CAST: variants seen among roughly 807,000 people sequenced by gnomAD.
CAST encodes MIR583 host.
In CAST, 76 loss-of-function variants were observed where a neutral mutation model predicts 119.6. The ratio of observed to expected loss-of-function variants is 0.64; its 90% CI spans 0.53 to 0.77. The LOEUF (loss-of-function observed/expected upper bound fraction) is 0.77. Ranked by LOEUF, CAST falls within the 30% of genes least tolerant of loss-of-function variation. The probability of loss-of-function intolerance (pLI) is 0.00; values close to 1 mark genes in which losing one functional copy is unlikely to be tolerated. For synonymous variants in CAST, 319 were observed against 331.6 expected (o/e 0.96, Z 0.41); for missense variants, 953 against 946.5 (o/e 1.01, Z -0.09).
At chr5:95,989,588 A>G in the CAST span, among the ~76,000 whole-genome samples, 5 of 152,368 alleles carry the variant, frequency 3.3e-5, no homozygotes, top group South Asian at 8.3e-4. Flanking sequence ...TAAGTCAAAC[A>G]GACCAGATCA....
the CAST span, among the ~76,000 whole-genome samples, chr5:96,476,169 A>G: frequency 6.6e-6 from 1 of 152,194 alleles, no homozygotes; most frequent in South Asian, 2.1e-4. Context: ...CCTCTTAAGT[A>G]AAATCAGTTC....
At chr5:96,198,972 G>A in the CAST span, among the ~76,000 whole-genome samples, 1 of 152,078 alleles carries the variant, frequency 6.6e-6, no homozygotes. Flanking sequence ...TGTCTTACTG[G>A]TCTTATGACT....
the CAST span, among the ~76,000 whole-genome samples, chr5:96,502,609 A>T: frequency 7.3e-6 from 1 of 137,188 alleles, no homozygotes; most frequent in East Asian, 2.3e-4. Context: ...TTAGCAAGTT[A>T]CCTAGTCTTT....
the CAST span, among the ~76,000 whole-genome samples, chr5:96,057,809 C>T: frequency 6.6e-6 from 1 of 152,120 alleles, no homozygotes; most frequent in Non-Finnish European, 1.5e-5. Flanking sequence ...ATCAGGTCTC[C>T]TCTAGTCTGT....
the CAST span, chr5:96,432,823 C>A: frequency 6.3e-7 from 1 of 1,592,462 alleles, no homozygotes; most frequent in African/African-American, 1.3e-5. Flanking sequence ...CGCCAGTCCC[C>A]TGGGGCCCCA....
the CAST span, among the ~76,000 whole-genome samples, chr5:96,240,735 C>CTTT: frequency 4.7e-4 from 48 of 102,404 alleles, no homozygotes; most frequent in East Asian, 1.4e-3. Context: ...AGCTAACTTT[C>CTTT]TTTTTTTTTT....
the CAST span, among the ~76,000 whole-genome samples, chr5:96,346,192 T>TA: frequency 6.6e-6 from 1 of 152,130 alleles, no homozygotes; most frequent in Non-Finnish European, 1.5e-5. Context: ...GATAAAGGAA[T>TA]AAAAAATTTT....
chr5:96,268,046 G>C, the CAST span, among the ~76,000 whole-genome samples: 1 of 151,964 alleles, frequency 6.6e-6, no homozygotes, highest in African/African-American at 2.4e-5. Flanking sequence ...CTTTTTGTAA[G>C]CCTCATGGTA....
chr5:96,563,322 T>C (rs1746414954), intron 1 of CAST, among the ~76,000 whole-genome samples: 1 of 152,208 alleles, frequency 6.6e-6, no homozygotes, highest in Admixed American at 6.5e-5. Flanking sequence ...AATCTGTCTT[T>C]TGTCATATGG....
At chr5:96,458,353 A>C in the CAST span, among the ~76,000 whole-genome samples, 9 of 152,186 alleles carry the variant, frequency 5.9e-5, no homozygotes, top group Admixed American at 5.9e-4. Flanking sequence ...CAAAGTCTAA[A>C]ATACTTACTA....
At chr5:96,486,233 A>C in the CAST span, among the ~76,000 whole-genome samples, 788 of 152,268 alleles carry the variant, frequency 5.2e-3, 4 homozygotes, top group African/African-American at 0.018. Flanking sequence ...AAGAGAATTT[A>C]GGATACTAGT....
the CAST span, among the ~76,000 whole-genome samples, chr5:96,417,069 T>C: frequency 6.6e-6 from 1 of 152,124 alleles, no homozygotes; most frequent in South Asian, 2.1e-4. Context: ...TATACCAACA[T>C]AGAGTGAAAG....
At chr5:96,655,758 G>T (rs1463020174) in intron 1 of CAST, among the ~76,000 whole-genome samples, 1 of 152,200 alleles carries the variant, frequency 6.6e-6, no homozygotes, top group Non-Finnish European at 1.5e-5. Context: ...GTTTAAAAAA[G>T]AAATTTGAAT....
the CAST span, among the ~76,000 whole-genome samples, chr5:96,133,955 G>A: frequency 6.6e-6 from 1 of 152,178 alleles, no homozygotes; most frequent in Non-Finnish European, 1.5e-5. Context: ...GAAAGTCAAG[G>A]TTCTGTGAGA....
intron 29 of CAST, chr5:96,768,248 T>A: frequency 2.1e-6 from 1 of 472,870 alleles, no homozygotes; most frequent in Admixed American, 3.4e-5. Context: ...CACACCCAGC[T>A]AATTTTTGTA....
the CAST span, among the ~76,000 whole-genome samples, chr5:96,297,040 G>A: frequency 1.0e-5 from 1 of 98,290 alleles, no homozygotes; most frequent in Admixed American, 8.7e-5. Flanking sequence ...TTGTAAAACT[G>A]GAGTATATTT....
chr5:96,202,466 A>C, the CAST span, among the ~76,000 whole-genome samples: 2 of 152,088 alleles, frequency 1.3e-5, no homozygotes, highest in African/African-American at 4.8e-5. Flanking sequence ...TAAATTCAGA[A>C]GAGAGTTGTA....
chr5:96,001,622 C>T, the CAST span, among the ~76,000 whole-genome samples: 1 of 152,154 alleles, frequency 6.6e-6, no homozygotes. Context: ...TTATTGTATT[C>T]AAAATCATAA....
the CAST span, among the ~76,000 whole-genome samples, chr5:96,206,026 A>G: frequency 1.3e-5 from 2 of 151,810 alleles, no homozygotes; most frequent in Non-Finnish European, 2.9e-5. Flanking sequence ...GATGTCGGAT[A>G]GTATCTCATT....
Sources: allele counts gnomAD v4.1 joint callset (sites outside exome capture counted in the v4.1 genomes callset), GRCh38; gene constraint gnomAD v4.1.1; transcripts MANE v1.5; gene names NCBI Gene and HGNC (gene_info 2026-07-23, HGNC 2026-07-21).